Variants in SERINC4 observed in about 807,000 individuals in gnomAD.
The protein encoded by SERINC4 is serine incorporator 4.
In SERINC4, 52 loss-of-function variants were observed where a neutral mutation model predicts 52.0. The ratio of observed to expected loss-of-function variants is 1.00; its 90% CI spans 0.80 to 1.26. SERINC4 has a LOEUF of 1.26. Among genes scored for constraint, SERINC4 ranks in the 50% most tolerant of loss-of-function variants. The probability of loss-of-function intolerance (pLI) is 0.00; values close to 1 mark genes in which losing one functional copy is unlikely to be tolerated. For synonymous variants in SERINC4, 264 were observed against 247.7 expected, an observed-to-expected ratio of 1.07 and a Z score of -0.62; for missense variants, 723 against 632.8, an observed-to-expected ratio of 1.14 and a Z score of -1.53.
At position 43,799,715 on chromosome 15, in the gene SERINC4, C is replaced by T. The variant is rs540093874; in HGVS notation, c.102+170G>A. 6.9e-5 allele frequency: 57 copies of T among 820,634 alleles called. No individual in the cohort carries two copies. The African/African-American group carries it at 8.6e-4, about 12-fold the overall frequency. The allele number at this position is 820,634 out of a possible 1,614,324, so 50.8% of individuals were successfully genotyped here. A position where few individuals can be genotyped will look rare whatever the true frequency, so the allele number is the denominator to read the frequency against. On this transcript the variant is annotated intron_variant, in intron 1 of 11. Transcript: ENST00000319327. ...AGCAGGCTTGAGATATCTGACCTTTCTCTCGACCTAAACACCTGGGGCTGG... is the reference window on the plus strand; with the variant it reads ...AGCAGGCTTGAGATATCTGACCTTTTTCTCGACCTAAACACCTGGGGCTGG...
chr15:43,797,362 G>T lies in SERINC4; in HGVS notation c.633-6C>A. ...CTTGAGCTGCACCTGTCTGCCTAAGGGTGGAAAGTGGGCAATGGCTTGGAG... is the reference window on the plus strand; with the variant it reads ...CTTGAGCTGCACCTGTCTGCCTAAGTGTGGAAAGTGGGCAATGGCTTGGAG... On this transcript the variant is annotated splice_region_variant and splice_polypyrimidine_tract_variant and intron_variant, in intron 5 of 11. Transcript: ENST00000319327. 1.3e-6 allele frequency: 2 copies of T among 1,546,276 alleles called. No individual in the cohort carries two copies. The highest frequency in any genetic ancestry group is 1.7e-6 in the Non-Finnish European group (2 of 1,145,816).
intron 1 of SERINC4, 26 bp from the exon 2 acceptor site, chr15:43,799,512 G>C: frequency 2.6e-6 from 4 of 1,550,880 alleles, no homozygotes; most frequent in Non-Finnish European, 3.5e-6. Flanking sequence ...ATGCAAGGCA[G>C]CGAGGTGGAG....
chr15:43,796,094 G>T, intron 9 of SERINC4, 61 bp downstream of exon 9: 1 of 1,190,300 alleles, frequency 8.4e-7, no homozygotes, highest in Non-Finnish European at 1.3e-6. Flanking sequence ...TTGGTAGGAT[G>T]TGTGTGTGTC....
chr15:43,799,791 C>T, intron 1 of SERINC4, 94 bp downstream of exon 1: 1 of 1,022,596 alleles, frequency 9.8e-7, no homozygotes, highest in Admixed American at 2.1e-5. Context: ...CGAACCAGAA[C>T]GACATTAGAG....
chr15:43,794,277 G>A lies in SERINC4; in HGVS notation c.*723C>T, dbSNP rs568898114. 11 of 310,736 alleles carry A rather than the reference G, an allele frequency of 3.5e-5. No individual in the cohort carries two copies. The East Asian group carries it at 5.2e-4, about 15-fold the overall frequency. The allele number at this position is 310,736 out of a possible 1,614,324, so 19.2% of individuals were successfully genotyped here. ...TAGAGACTTCTTTTCTGTGATTTTT[G>A]TTCCCCACCCTTGAACACCATCTCT... is the stretch of plus-strand genomic sequence containing the variant. On this transcript the variant is annotated 3_prime_UTR_variant, in exon 12 of 12. Transcript: ENST00000319327.
chr15:43,798,434 G>A lies in SERINC4; in HGVS notation c.529C>T (p.Leu177Phe), dbSNP rs776146280. The change falls in exon 4 of 12, where the codon CTC (leucine) becomes TTC (phenylalanine). Residue 177 changes from leucine (L) to phenylalanine (F), a missense_variant. Physicochemically the swap from Leu to Phe is conservative, Grantham distance 22. Transcript: ENST00000319327. ...GTGGGAGGGAGAGTACCTGGGAAGA[G>A]ATGCTCATCAGGAATGCAGAAGGCA... is the stretch of plus-strand genomic sequence containing the variant. The part of the protein sequence containing the change: ...AIAFCIPDEH[L>F]FPAWHYIGIC... The A allele has an allele frequency of 6.2e-7, 1 of 1,611,778 alleles. No homozygotes were observed. The highest frequency in any genetic ancestry group is 8.5e-7 in the Non-Finnish European group (1 of 1,177,890).
intron 8 of SERINC4, 184 bp downstream of exon 8, chr15:43,796,432 C>A: frequency 2.7e-6 from 2 of 740,364 alleles, no homozygotes; most frequent in Non-Finnish European, 4.5e-6. Context: ...CCCCCCACCC[C>A]CTTCATCTCA....
At chr15:43,796,443 T>TA (rs2087218082) in intron 8 of SERINC4, 173 bp downstream of exon 8, 6 of 758,298 alleles carry the variant, frequency 7.9e-6, no homozygotes, top group Non-Finnish European at 8.7e-6. Flanking sequence ...CTTCATCTCA[T>TA]ACAGATCATC....
In SERINC4 at chr15:43,800,149, G is replaced by GT; in HGVS notation, c.-164dup. The stretch of plus-strand genomic sequence containing the variant: ...AGAGAACACTGACCTCCAGGTTGCG[G>GT]TAAATGCAAATGCCCTGTGAAGGAG... On this transcript the variant is annotated 5_prime_UTR_variant, in exon 1 of 12. Coordinates refer to ENST00000319327, the MANE Select transcript of SERINC4 (RefSeq NM_001258031.2). 2 of 605,146 alleles carry GT rather than the reference G, an allele frequency of 3.3e-6. No homozygotes were observed. The highest frequency in any genetic ancestry group is 8.8e-4 in the Middle Eastern group (2 of 2,268). The allele number at this position is 605,146 out of a possible 1,614,324, so 37.5% of individuals were successfully genotyped here. A position where few individuals can be genotyped will look rare whatever the true frequency, so the allele number is the denominator to read the frequency against.
Position 43,794,282 on chromosome 15 carries a change from C to A in SERINC4, c.*718G>T. ...ACTTCTTTTCTGTGATTTTTGTTCC[C>A]CACCCTTGAACACCATCTCTAGGAT... On this transcript the variant is annotated 3_prime_UTR_variant, in exon 12 of 12. Coordinates refer to ENST00000319327, the MANE Select transcript of SERINC4 (RefSeq NM_001258031.2). 1 of 301,186 alleles carries A rather than the reference C, an allele frequency of 3.3e-6. No individual in the cohort carries two copies. Among genetic ancestry groups the A allele is most frequent in the Non-Finnish European group, 6.2e-6 (1 of 161,592 alleles). 18.7% of individuals were successfully genotyped at this position (301,186 alleles called of 1,614,324 possible).
intron 4 of SERINC4, 90 bp from the exon 5 acceptor site, chr15:43,798,103 G>C (rs1276120829): frequency 1.1e-6 from 1 of 912,932 alleles, no homozygotes; most frequent in African/African-American, 1.7e-5. Flanking sequence ...AGGCTAGAGT[G>C]CAGTGGTGTG....
intron 9 of SERINC4, chr15:43,795,945 CA>C: frequency 7.8e-6 from 5 of 641,328 alleles, no homozygotes; most frequent in Non-Finnish European, 8.2e-6. Context: ...TAAAATGGAG[CA>C]AATACCTACC....
At chr15:43,797,520 G>C in intron 5 of SERINC4, 164 bp from the exon 6 acceptor site, 1 of 599,894 alleles carries the variant, frequency 1.7e-6, no homozygotes, top group South Asian at 2.0e-5. Flanking sequence ...AGCCTCCTGA[G>C]TAGCTGGGAT....
At chr15:43,797,847 T>C in intron 5 of SERINC4, 73 bp downstream of exon 5, 1 of 1,090,894 alleles carries the variant, frequency 9.2e-7, no homozygotes, top group African/African-American at 1.5e-5. Flanking sequence ...GCCGTGCCTT[T>C]TGCCCAGCCC....
At chr15:43,796,361 A>C (rs527922222) in intron 8 of SERINC4, 134 bp from the exon 9 acceptor site, 4 of 772,244 alleles carry the variant, frequency 5.2e-6, no homozygotes, top group Admixed American at 5.2e-5. Context: ...CCAAAGATTT[A>C]GAATTCTATT....
At position 43,797,405 on chromosome 15, in the gene SERINC4, T is replaced by C. The variant is rs777710597; in HGVS notation, c.633-49A>G. 8.8e-6 allele frequency: 13 copies of C among 1,473,138 alleles called. No individual in the cohort carries two copies. The South Asian group carries it at 1.5e-4, about 17-fold the overall frequency. 91.3% of individuals were successfully genotyped at this position (1,473,138 alleles called of 1,614,324 possible). A position where few individuals can be genotyped will look rare whatever the true frequency, so the allele number is the denominator to read the frequency against. On this transcript the variant is annotated intron_variant, in intron 5 of 11. Coordinates refer to ENST00000319327, the MANE Select transcript of SERINC4 (RefSeq NM_001258031.2). ...GCTTGGAGCTCCAGCATTTTTTTTT[T>C]TTTTGAGTTGGGAGTCTTGCTCTGT...
intron 8 of SERINC4, 125 bp from the exon 9 acceptor site, chr15:43,796,352 C>T: frequency 1.3e-6 from 1 of 798,512 alleles, no homozygotes; most frequent in Non-Finnish European, 2.0e-6. Context: ...CCTTTTCCAC[C>T]AAAGATTTAG....
chr15:43,796,782 G>C (rs749391784), intron 7 of SERINC4, 40 bp from the exon 8 acceptor site: 9 of 1,613,944 alleles, frequency 5.6e-6, no homozygotes, highest in South Asian at 5.5e-5. Flanking sequence ...TTAACAATGA[G>C]CTAGGTATTT....
In SERINC4 at chr15:43,797,273, C is replaced by A; in HGVS notation, c.716G>T (p.Gly239Val). 6.5e-7 allele frequency: 1 copy of A among 1,550,106 alleles called. No individual in the cohort carries two copies. The highest frequency in any genetic ancestry group is 2.0e-5 in the Admixed American group (1 of 50,988). ...TLGFYSMAGV[G>V]AVLLFHYYTH... ...ATAATAGTGGAATAGGAGCACAGCT[C>A]CCACACCTGCCATGCTGTAGAATCC... is the stretch of plus-strand genomic sequence containing the variant. The change falls in exon 6 of 12, where the codon GGA (glycine) becomes GTA (valine). Residue 239 changes from glycine to valine, a missense_variant. Transcript: ENST00000319327.
Sources: gnomAD v4.1 joint callset for allele counts on GRCh38, gnomAD v4.1.1 for gene constraint, MANE v1.5 for transcripts, NCBI Gene and HGNC (gene_info 2026-07-23, HGNC 2026-07-21) for gene names.